The following ESRRG variants were observed in gnomAD, a reference collection of about 807,000 sequenced individuals.
ESRRG encodes the protein estrogen-related receptor gamma.
A neutral mutation model predicts 44.0 loss-of-function variants in ESRRG; 13 were observed. The observed-to-expected ratio is 0.30, with a 90% CI of 0.19 to 0.47. The LOEUF is 0.47. Ranked by LOEUF, ESRRG falls within the 20% of genes least tolerant of loss-of-function variation. The pLI, the probability that ESRRG is intolerant of heterozygous loss-of-function variation, is 1.00. For missense variants in ESRRG, 395 were observed against 580.6 expected, an observed-to-expected ratio of 0.68 and a Z score of 3.29; for synonymous variants, 215 against 214.6, an observed-to-expected ratio of 1.00 and a Z score of -0.02.
chr1:217,104,141 A>G (rs549178560), intron 1 of ESRRG, among the ~76,000 whole-genome samples: 18 of 152,246 alleles, frequency 1.2e-4, no homozygotes, highest in Middle Eastern at 3.4e-3. Flanking sequence ...ACAGATTCAT[A>G]CTTCTGTTCT....
At chr1:216,528,106 T>G (rs2048231677) in intron 5 of ESRRG, among the ~76,000 whole-genome samples, 1 of 152,168 alleles carries the variant, frequency 6.6e-6, no homozygotes, top group Non-Finnish European at 1.5e-5. Context: ...ACGTTAGGAA[T>G]GAAAAGACCA....
intron 1 of ESRRG, among the ~76,000 whole-genome samples, chr1:216,709,676 A>G (rs1341079600): frequency 6.7e-6 from 1 of 149,002 alleles, no homozygotes; most frequent in Non-Finnish European, 1.5e-5. Flanking sequence ...TTTTTTTCCT[A>G]TGTAGGTAGT....
At chr1:216,737,995 C>CT (rs144453643) in intron 2 of ESRRG, among the ~76,000 whole-genome samples, 19,272 of 119,424 alleles carry the variant, frequency 0.16, 1,713 homozygotes, top group Middle Eastern at 0.21. Context: ...TGAGACATCA[C>CT]TTTTTTTTTT....
intron 6 of ESRRG, among the ~76,000 whole-genome samples, chr1:216,516,787 A>C (rs144372288): frequency 9.3e-4 from 141 of 152,128 alleles, no homozygotes; most frequent in African/African-American, 3.3e-3. Context: ...GGATCTAAGC[A>C]AGTTTGAGTC....
chr1:216,724,174 T>A (rs1313409664), upstream of ESRRG, among the ~76,000 whole-genome samples: 1 of 152,148 alleles, frequency 6.6e-6, no homozygotes, highest in African/African-American at 2.4e-5. Flanking sequence ...GTAAATTATA[T>A]GTGTAAACCT....
At chr1:216,515,839 T>A (rs940010891) in intron 6 of ESRRG, among the ~76,000 whole-genome samples, 2 of 152,076 alleles carry the variant, frequency 1.3e-5, no homozygotes, top group African/African-American at 4.8e-5. Flanking sequence ...CTGCTTTTAA[T>A]CTTATAGTAT....
chr1:216,542,686 C>T (rs2053263904), intron 5 of ESRRG, among the ~76,000 whole-genome samples: 1 of 151,952 alleles, frequency 6.6e-6, no homozygotes, highest in African/African-American at 2.4e-5. Context: ...ATGACTCCAA[C>T]TGTGTTTTAA....
At chr1:216,529,003 A>T (rs2048489147) in intron 5 of ESRRG, among the ~76,000 whole-genome samples, 1 of 152,122 alleles carries the variant, frequency 6.6e-6, no homozygotes, top group Non-Finnish European at 1.5e-5. Flanking sequence ...CTTGTCTGTT[A>T]TGTCCTTTCA....
chr1:216,981,488 C>A (rs1003356275), intron 1 of ESRRG, among the ~76,000 whole-genome samples: 1 of 152,118 alleles, frequency 6.6e-6, no homozygotes, highest in African/African-American at 2.4e-5. Context: ...TGAAGCAATT[C>A]GTGTAAATAA....
chr1:216,735,875 A>AG (rs1314369491), intron 2 of ESRRG, among the ~76,000 whole-genome samples: 8 of 151,428 alleles, frequency 5.3e-5, no homozygotes, highest in African/African-American at 1.9e-4. Flanking sequence ...ACTACTCGGG[A>AG]GGCTGAGGCC....
At chr1:216,879,460 C>T (rs2096407464) in intron 2 of ESRRG, among the ~76,000 whole-genome samples, 1 of 128,880 alleles carries the variant, frequency 7.8e-6, no homozygotes, top group Admixed American at 9.0e-5. Context: ...GGTCGGCTTA[C>T]TCTTGAGGGG....
intron 5 of ESRRG, among the ~76,000 whole-genome samples, chr1:216,522,701 T>C (rs1572208584): frequency 6.6e-6 from 1 of 152,146 alleles, no homozygotes; most frequent in Non-Finnish European, 1.5e-5. Context: ...TGCACATACA[T>C]AAAAACGCAT....
chr1:216,824,004 CTTAT>C (rs2095347126), intron 2 of ESRRG, among the ~76,000 whole-genome samples: 1 of 152,086 alleles, frequency 6.6e-6, no homozygotes, highest in Non-Finnish European at 1.5e-5. Flanking sequence ...ATGCATTCTT[CTTAT>C]TTATCTTTTT....
chr1:216,614,287 G>A (rs1275495245), intron 3 of ESRRG, among the ~76,000 whole-genome samples: 3 of 151,984 alleles, frequency 2.0e-5, no homozygotes, highest in Non-Finnish European at 2.9e-5. Flanking sequence ...GTAAAGCAAG[G>A]CTACAATCTG....
chr1:216,758,184 T>G (rs1458241915), intron 2 of ESRRG, among the ~76,000 whole-genome samples: 1 of 152,072 alleles, frequency 6.6e-6, no homozygotes, highest in Non-Finnish European at 1.5e-5. Context: ...TCACCTCCAA[T>G]AGAATATTGT....
intron 1 of ESRRG, 142 bp from the exon 2 acceptor site, chr1:216,677,633 T>G: frequency 4.3e-6 from 3 of 695,156 alleles, no homozygotes; most frequent in Non-Finnish European, 7.1e-6. Context: ...ACAGAATTCA[T>G]ATGTTAAAGA....
rs1352930891 is a variant in ESRRG, at chr1:216,953,382, C to T, written c.-105-13709G>A. ...TCATTTATGTAACCCCCCTGTTTTC[C>T]AAAGCCTTTCTTAGTAATGCAATAG... On this transcript the variant is annotated intron_variant, in intron 1 of 7. Transcript: ENST00000359162. Among the ~76,000 whole-genome samples, 5 of 152,158 alleles carry T rather than the reference C, an allele frequency of 3.3e-5. No homozygotes were observed. The East Asian group carries it at 9.6e-4, about 29-fold the overall frequency.
chr1:216,823,234 G>A (rs1196979482), intron 2 of ESRRG, among the ~76,000 whole-genome samples: 1 of 151,896 alleles, frequency 6.6e-6, no homozygotes, highest in Non-Finnish European at 1.5e-5. Flanking sequence ...AGTAAGACTG[G>A]ATGCAAAGAC....
chr1:217,075,958 TAC>T (rs1340697721), intron 1 of ESRRG, among the ~76,000 whole-genome samples: 1 of 152,118 alleles, frequency 6.6e-6, no homozygotes, highest in African/African-American at 2.4e-5. Context: ...AATAGAAAAA[TAC>T]ACACCTGAAA....
Sources: gnomAD v4.1 joint callset for allele counts (sites outside exome capture counted in the v4.1 genomes callset) on GRCh38, gnomAD v4.1.1 for gene constraint, MANE v1.5 for transcripts, NCBI Gene and HGNC (gene_info 2026-07-23, HGNC 2026-07-21) for gene names.